ARHGEF7: variants seen among roughly 807,000 people sequenced by gnomAD.
ARHGEF7 encodes the protein Rho guanine nucleotide exchange factor 7.
Under a neutral mutation model 109.8 loss-of-function variants are expected in ARHGEF7, and 33 were observed. The observed-to-expected ratio is 0.30, with a 90% CI of 0.23 to 0.40. ARHGEF7 has a LOEUF of 0.40. ARHGEF7 is among the 10% of genes least tolerant of loss of function. The pLI is 1.00. For synonymous variants in ARHGEF7, 458 were observed against 424.6 expected (o/e 1.08, Z -0.97); for missense variants, 938 against 1,098.5 (o/e 0.85, Z 2.07).
chr13:111,215,195 G>A (rs1420713123), intron 4 of ARHGEF7, among the ~76,000 whole-genome samples: 1 of 152,114 alleles, frequency 6.6e-6, no homozygotes, highest in Non-Finnish European at 1.5e-5. Context: ...GTCCCCTCTA[G>A]CATCCATGAC....
chr13:111,271,012 C>T (rs2092099403), intron 9 of ARHGEF7, among the ~76,000 whole-genome samples: 1 of 152,194 alleles, frequency 6.6e-6, no homozygotes, highest in Non-Finnish European at 1.5e-5. Context: ...ATGCCATCCA[C>T]ATAGCAGGGG....
intron 5 of ARHGEF7, among the ~76,000 whole-genome samples, chr13:111,221,062 T>A (rs1020998153): frequency 1.4e-5 from 2 of 146,338 alleles, no homozygotes; most frequent in African/African-American, 5.0e-5. Context: ...TATATCTACA[T>A]ATACATATAT....
rs1393907375 is a variant in ARHGEF7 at position 111,145,747 on chromosome 13, A to G, written c.166-8158A>G. ...GGCTCAACCCCACCAGAAGCCAGAG[A>G]GCAGGGAAGCCTGGTTGATGCAGTC... On this transcript the variant is annotated intron_variant, in intron 1 of 21. Transcript: ENST00000646102. This position sits in a 1 kb window ranked among gnomAD's most constrained non-coding sequence, Gnocchi z 4.3. Among the ~76,000 whole-genome samples the G allele has an allele frequency of 2.0e-5, 3 of 152,186 alleles. No homozygotes were observed. Among genetic ancestry groups the G allele is most frequent in the Non-Finnish European group, 2.9e-5 (2 of 68,030 alleles).
rs1478602073 is a variant in ARHGEF7, at chr13:111,154,134, T to C, written c.252+143T>C. On this transcript the variant is annotated intron_variant, in intron 2 of 21. Transcript: ENST00000646102. Reference sequence around the variant, plus strand: ...CGGCTGCTCGAGAGTCCGGGATGTGTGGAACGGGGCGTTGCGGGTTTGGGT... The same window carrying C: ...CGGCTGCTCGAGAGTCCGGGATGTGCGGAACGGGGCGTTGCGGGTTTGGGT... 72 of 901,862 alleles carry C rather than the reference T, an allele frequency of 8.0e-5. No homozygotes were observed. In the East Asian group the frequency reaches 2.3e-3, roughly 29 times the overall value. 55.9% of individuals were successfully genotyped at this position (901,862 alleles called of 1,614,324 possible). A position where few individuals can be genotyped will look rare whatever the true frequency, so the allele number is the denominator to read the frequency against.
intron 1 of ARHGEF7, among the ~76,000 whole-genome samples, chr13:111,119,326 G>A (rs1308166429): frequency 6.6e-6 from 1 of 152,230 alleles, no homozygotes. Flanking sequence ...AAATACGAAT[G>A]CTGGAGGAGC....
rs139877607 is a variant in ARHGEF7, at chr13:111,273,921, C to T, written c.1181C>T (p.Thr394Met). The part of the protein sequence containing the change: ...KPFMRLDKYP[T>M]LLKELERHME... ...TTCATGCGCCTGGATAAATACCCTA[C>T]GCTGCTCAAAGAGCTCGAGAGACAC... is the stretch of plus-strand genomic sequence containing the variant. The change falls in exon 10 of 22, where the codon ACG becomes ATG. Residue 394 changes from threonine (T) to methionine (M), a missense_variant. Physicochemically the swap from Thr to Met is moderately conservative, Grantham distance 81. This residue lies in a region of ARHGEF7 where 585 missense variants were observed against 723.6 expected (regional missense o/e 0.81). Transcript: ENST00000646102. The surrounding 1 kb of genome is among the most constrained non-coding windows in gnomAD (Gnocchi z 4.5). 187 of 1,614,058 alleles carry T rather than the reference C, an allele frequency of 1.2e-4. No individual in the cohort carries two copies. Among genetic ancestry groups the T allele is most frequent in the Non-Finnish European group, 1.5e-4 (172 of 1,180,052 alleles).
At chr13:111,154,402 C>T (rs950563436) in intron 2 of ARHGEF7, among the ~76,000 whole-genome samples, 7 of 152,178 alleles carry the variant, frequency 4.6e-5, no homozygotes, top group Non-Finnish European at 1.0e-4. Context: ...CTGGGTCAGG[C>T]CTTAGAATCC....
In ARHGEF7 at chr13:111,119,130, A is replaced by G. The variant is rs116028000; in HGVS notation, c.165+3439A>G. Among the ~76,000 whole-genome samples the G allele has an allele frequency of 2.4e-3, 362 of 152,324 alleles. 3 individuals carry two copies. The highest frequency in any genetic ancestry group is 6.8e-3 in the Middle Eastern group (2 of 294). On this transcript the variant is annotated intron_variant, in intron 1 of 21. Transcript: ENST00000646102. ...CCTGGCTTGTGGCAACACAAGTCCA[A>G]TCTTCACATGATGTCCGTGCTGTGG...
Position 111,265,316 on chromosome 13 carries a change from A to G in ARHGEF7, c.951-2232A>G, listed in dbSNP as rs552786710. Among the ~76,000 whole-genome samples the G allele has an allele frequency of 2.0e-5, 3 of 152,318 alleles. No homozygotes were observed. The South Asian group carries it at 6.2e-4, about 32-fold the overall frequency. ...TTTTCTTAAATTGATGAGAACAGGAACAGTCTTTTTGAGCCTCGGTTAACA... is the reference window on the plus strand; with the variant it reads ...TTTTCTTAAATTGATGAGAACAGGAGCAGTCTTTTTGAGCCTCGGTTAACA... On this transcript the variant is annotated intron_variant, in intron 8 of 21. Transcript: ENST00000646102.
chr13:111,177,430 G>C (rs2078277798), intron 2 of ARHGEF7, among the ~76,000 whole-genome samples: 1 of 152,240 alleles, frequency 6.6e-6, no homozygotes, highest in South Asian at 2.1e-4. Context: ...CGGGGTGTGA[G>C]ATGTGCTATC....
At chr13:111,119,146 C>T (rs758825058) in intron 1 of ARHGEF7, among the ~76,000 whole-genome samples, 34 of 152,298 alleles carry the variant, frequency 2.2e-4, no homozygotes, top group African/African-American at 5.8e-4. Context: ...ACATGATGTC[C>T]GTGCTGTGGT....
chr13:111,201,689 T>A (rs1303455833), intron 2 of ARHGEF7, among the ~76,000 whole-genome samples: 1 of 152,152 alleles, frequency 6.6e-6, no homozygotes, highest in Admixed American at 6.5e-5. Context: ...TGTTCCCCTT[T>A]CCCTGGTGAG....
chr13:111,252,794 A>G (rs545095857), intron 8 of ARHGEF7, among the ~76,000 whole-genome samples: 1 of 152,378 alleles, frequency 6.6e-6, no homozygotes, highest in African/African-American at 2.4e-5. Flanking sequence ...GATGTGCCCA[A>G]GGTTACACAA....
chr13:111,254,531 G>A (rs935597940), intron 8 of ARHGEF7, among the ~76,000 whole-genome samples: 14 of 146,504 alleles, frequency 9.6e-5, no homozygotes, highest in Admixed American at 8.2e-4. Context: ...CATGAAGGCC[G>A]GGCTCAGAAG....
chr13:111,242,772 G>C (rs2088022823), intron 6 of ARHGEF7, among the ~76,000 whole-genome samples: 1 of 152,228 alleles, frequency 6.6e-6, no homozygotes, highest in Non-Finnish European at 1.5e-5. Context: ...TCAGCTGTTT[G>C]AGTTGGGAGA....
intron 1 of ARHGEF7, among the ~76,000 whole-genome samples, chr13:111,142,664 C>A (rs538107900): frequency 5.3e-5 from 8 of 152,336 alleles, no homozygotes; most frequent in African/African-American, 1.7e-4. Context: ...CTCTCTAGGG[C>A]AGCCCCAACT....
At chr13:111,153,566 G>C (rs1471924271) in intron 1 of ARHGEF7, 3 of 1,023,212 alleles carry the variant, frequency 2.9e-6, no homozygotes, top group Non-Finnish European at 3.6e-6. Flanking sequence ...AAGCAGGGTG[G>C]GCTGCGTCCG....
chr13:111,210,754 G>T (rs965954098), intron 4 of ARHGEF7, among the ~76,000 whole-genome samples: 1 of 152,182 alleles, frequency 6.6e-6, no homozygotes, highest in Admixed American at 6.5e-5. Flanking sequence ...GGCTGCTGGG[G>T]ATACCACTGC....
At chr13:111,217,622 A>G (rs1206014258) in intron 4 of ARHGEF7, 57 bp from the exon 5 acceptor site, 2 of 1,454,760 alleles carry the variant, frequency 1.4e-6, no homozygotes, top group Admixed American at 1.7e-5. Context: ...AATCCATTTT[A>G]TAATGAAGTA....
Sources: allele counts gnomAD v4.1 joint callset (sites outside exome capture counted in the v4.1 genomes callset), GRCh38; gene constraint gnomAD v4.1.1; regional missense constraint gnomAD v4.1.1; non-coding constraint Gnocchi (gnomAD v3.1); transcripts MANE v1.5; gene names NCBI Gene and HGNC (gene_info 2026-07-23, HGNC 2026-07-21).